Variants in PLEKHG4B observed in about 807,000 individuals in gnomAD.
PLEKHG4B encodes the protein pleckstrin homology and RhoGEF domain containing G4B.
In PLEKHG4B, 111 loss-of-function variants were observed where a neutral mutation model predicts 121.3. The observed-to-expected ratio is 0.92, with a 90% CI of 0.78 to 1.07. The LOEUF is 1.07. PLEKHG4B is among the 50% of genes least tolerant of loss of function. The pLI, the probability that PLEKHG4B is intolerant of heterozygous loss-of-function variation, is 0.00. For synonymous variants in PLEKHG4B, 738 were observed against 725.0 expected (o/e 1.02, Z -0.29); for missense variants, 1,831 against 1,757.8 (o/e 1.04, Z -0.74).
intron 2 of PLEKHG4B, among the ~76,000 whole-genome samples, chr5:133,335 A>G (rs1180410779): frequency 6.6e-6 from 1 of 152,204 alleles, no homozygotes; most frequent in Non-Finnish European, 1.5e-5. Flanking sequence ...ATCATCAACC[A>G]AAAACGACAG....
At chr5:161,256 G>A (rs1735990829) in intron 11 of PLEKHG4B, among the ~76,000 whole-genome samples, 1 of 152,264 alleles carries the variant, frequency 6.6e-6, no homozygotes, top group Non-Finnish European at 1.5e-5. Context: ...GCAGCCTCAA[G>A]GGGCCAAGCA....
rs548998961 is a variant in PLEKHG4B, at chr5:95,140, C to T, written c.45+2864C>T. On this transcript the variant is annotated intron_variant, in intron 1 of 19. Transcript: ENST00000637938. ...ATTGATCTTACAAAATTTCCCCTGA[C>T]AGAAAATCACATTGTGCAAAAGAGA... 5.9e-5 allele frequency among the ~76,000 whole-genome samples: 9 copies of T among 152,322 alleles called. 1 individual carries two copies. In the South Asian group the frequency reaches 1.7e-3, roughly 28 times the overall value.
At position 157,034 on chromosome 5, in the gene PLEKHG4B, A is replaced by G; in HGVS notation, c.2487+123A>G. ...TGATCTGATTTCCATTTGGAATGAAATTATGTCAGGATAGGGCATGCCTTG... is the reference window on the plus strand; with the variant it reads ...TGATCTGATTTCCATTTGGAATGAAGTTATGTCAGGATAGGGCATGCCTTG... On this transcript the variant is annotated intron_variant, in intron 11 of 19. Transcript: ENST00000637938. The surrounding 1 kb of genome is among the most constrained non-coding windows in gnomAD (Gnocchi z 4.6). The G allele has an allele frequency of 7.4e-7, 1 of 1,349,448 alleles. No individual in the cohort carries two copies. 83.6% of individuals were successfully genotyped at this position (1,349,448 alleles called of 1,614,324 possible).
chr5:144,948 G>A (rs757742642), intron 6 of PLEKHG4B, 28 bp downstream of exon 6: 8 of 1,598,882 alleles, frequency 5.0e-6, no homozygotes, highest in East Asian at 2.2e-5. Flanking sequence ...TATCCCTTGG[G>A]TGTGCAGAGC....
chr5:103,156 G>C (rs1273145726), intron 1 of PLEKHG4B, among the ~76,000 whole-genome samples: 2 of 152,114 alleles, frequency 1.3e-5, no homozygotes, highest in Admixed American at 1.3e-4. Context: ...GCATGGGGTG[G>C]GGACAGACAA....
chr5:133,894 G>A lies in PLEKHG4B; in HGVS notation c.244-5589G>A, dbSNP rs182652755. ...AACCCAGCTCAAATGCCCACCAATC[G>A]AGTGGATAAAGAAAATGTGACACAC... On this transcript the variant is annotated intron_variant, in intron 2 of 19. Coordinates refer to ENST00000637938, the MANE Select transcript of PLEKHG4B (RefSeq NM_052909.5). Among the ~76,000 whole-genome samples the A allele has an allele frequency of 2.1e-3, 294 of 142,648 alleles. 1 individual carries two copies. The highest frequency in any genetic ancestry group is 7.9e-3 in the African/African-American group (279 of 35,430). 93.6% of individuals were successfully genotyped at this position (142,648 alleles called of 152,430 possible). A position where few individuals can be genotyped will look rare whatever the true frequency, so the allele number is the denominator to read the frequency against.
At position 139,907 on chromosome 5, in the gene PLEKHG4B, G is replaced by A. The variant is rs1487067563; in HGVS notation, c.668G>A (p.Ser223Asn). The change falls in exon 3 of 20, where the codon AGC becomes AAC. Residue 223 changes from serine (S) to asparagine (N), a missense_variant. Coordinates refer to ENST00000637938, the MANE Select transcript of PLEKHG4B (RefSeq NM_052909.5). This position sits in a 1 kb window ranked among gnomAD's most constrained non-coding sequence, Gnocchi z 5.0. The part of the protein sequence containing the change: ...SCTGPERLPS[S>N]PSEAPVPTQA... ...ACAGGTCCTGAGCGGCTGCCCAGCA[G>A]CCCCTCAGAGGCCCCAGTCCCCACC... 3 of 403,368 alleles carry A rather than the reference G, an allele frequency of 7.4e-6. No homozygotes were observed. Among genetic ancestry groups the A allele is most frequent in the African/African-American group, 2.1e-5 (1 of 48,572 alleles). 25.0% of individuals were successfully genotyped at this position (403,368 alleles called of 1,614,324 possible). A position where few individuals can be genotyped will look rare whatever the true frequency, so the allele number is the denominator to read the frequency against.
chr5:125,760 G>A (rs756933686), intron 2 of PLEKHG4B, among the ~76,000 whole-genome samples: 40 of 152,184 alleles, frequency 2.6e-4, no homozygotes, highest in Non-Finnish European at 5.4e-4. Flanking sequence ...TCACCTTGCT[G>A]GACTCCGTTG....
rs1736547200 is a variant in PLEKHG4B, at chr5:171,374, A to T, written c.3980A>T (p.Glu1327Val). Residue 1327 changes from glutamate (E) to valine (V), a missense_variant, in exon 16 of 20, where the codon GAG becomes GTG. Glu to Val is a moderately radical substitution (Grantham distance 121). Coordinates refer to ENST00000637938, the MANE Select transcript of PLEKHG4B (RefSeq NM_052909.5). The part of the protein sequence containing the change: ...GQELGELRAA[E>V]VVVCFQLRHG... ...GAGCTGGGCGAGCTCCGAGCCGCCG[A>T]GGTCGTGGTCTGCTTCCAGCTGCGT... The T allele has an allele frequency of 8.1e-6, 13 of 1,611,298 alleles. No homozygotes were observed. In the East Asian group the frequency reaches 2.9e-4, roughly 36 times the overall value.
intron 3 of PLEKHG4B, among the ~76,000 whole-genome samples, chr5:142,509 G>A (rs572230514): frequency 5.4e-5 from 8 of 149,448 alleles, no homozygotes; most frequent in Non-Finnish European, 1.0e-4. Flanking sequence ...CACACCACAC[G>A]CAGACACATG....
rs978270388 is a variant in PLEKHG4B at position 188,445 on chromosome 5, C to T, written c.*6122C>T. ...GGGGGATTAGCACCTTGGCTGAGCC[C>T]GAACTGACCACCTGGGGCGTAGGTC... is the stretch of plus-strand genomic sequence containing the variant. On this transcript the variant is annotated 3_prime_UTR_variant, in exon 20 of 20. Transcript: ENST00000637938. The T allele has an allele frequency of 6.6e-6, 1 of 152,220 alleles. No homozygotes were observed. Among genetic ancestry groups the T allele is most frequent in the African/African-American group, 2.4e-5 (1 of 41,432 alleles). 9.4% of individuals were successfully genotyped at this position (152,220 alleles called of 1,614,324 possible).
At chr5:147,954 T>A (rs2126413115) in intron 6 of PLEKHG4B, among the ~76,000 whole-genome samples, 1 of 152,056 alleles carries the variant, frequency 6.6e-6, no homozygotes, top group African/African-American at 2.4e-5. Context: ...CTGATCAGTG[T>A]AAACAGAATG....
In PLEKHG4B at chr5:182,183, C is replaced by G. The variant is rs1733428347; in HGVS notation, c.4744C>G (p.Pro1582Ala). The part of the protein sequence containing the change: ...SSPAHPGLWS[P>A]AHSPWSSDIR... ...CCCAGCCCACCCGGGCCTATGGAGC[C>G]CTGCCCACAGCCCCTGGTCATCTGA... The change falls in exon 20 of 20, where the codon CCT becomes GCT. Residue 1582 changes from proline to alanine, a missense_variant. Physicochemically the swap from Pro to Ala is conservative, Grantham distance 27. Coordinates refer to ENST00000637938, the MANE Select transcript of PLEKHG4B (RefSeq NM_052909.5). 6.2e-7 allele frequency: 1 copy of G among 1,613,844 alleles called. No individual in the cohort carries two copies. The highest frequency in any genetic ancestry group is 1.3e-5 in the African/African-American group (1 of 74,942).
chr5:164,810 A>G (rs1304544452), intron 13 of PLEKHG4B, among the ~76,000 whole-genome samples: 3 of 118,718 alleles, frequency 2.5e-5, no homozygotes, highest in African/African-American at 9.8e-5. Flanking sequence ...GAGCTCACAC[A>G]CTAATGCTGT....
chr5:163,980 C>A lies in PLEKHG4B; in HGVS notation c.3476+432C>A, dbSNP rs148042747. ...TTGCCCCACTGAAGAGGCCCCTTCT[C>A]ACTTGTCGAGCCTGCAAAGGACGCG... On this transcript the variant is annotated intron_variant, in intron 13 of 19. Transcript: ENST00000637938. Among the ~76,000 whole-genome samples, 397 of 152,382 alleles carry A rather than the reference C, an allele frequency of 2.6e-3. 4 individuals carry two copies. Among genetic ancestry groups the A allele is most frequent in the African/African-American group, 9.2e-3 (381 of 41,590 alleles).
At position 159,703 on chromosome 5, in the gene PLEKHG4B, C is replaced by T. The variant is rs972591014; in HGVS notation, c.2488-2080C>T. Among the ~76,000 whole-genome samples the T allele has an allele frequency of 1.2e-4, 19 of 152,170 alleles. No individual in the cohort carries two copies. Among genetic ancestry groups the T allele is most frequent in the Admixed American group, 9.2e-4 (14 of 15,284 alleles). ...GCCCACGCATCTTTAGCATTTTCTC[C>T]CTGGCGGTCTGATTCTTTTCCTCTA... is the stretch of plus-strand genomic sequence containing the variant. On this transcript the variant is annotated intron_variant, in intron 11 of 19. Coordinates refer to ENST00000637938, the MANE Select transcript of PLEKHG4B (RefSeq NM_052909.5). This position sits in a 1 kb window ranked among gnomAD's most constrained non-coding sequence, Gnocchi z 5.5.
In PLEKHG4B at chr5:161,920, C is replaced by T. The variant is rs977568385; in HGVS notation, c.2625C>T (p.Thr875=). 1 of 1,612,568 alleles carries T rather than the reference C, an allele frequency of 6.2e-7. No homozygotes were observed. Among genetic ancestry groups the T allele is most frequent in the African/African-American group, 1.3e-5 (1 of 75,050 alleles). ...GGGAGGGAGAGCTGGCCAGGTGGAC[C>T]CGCTCGTCCGAGTTGTGCGAGACGG... ...ECREGELARW[T]RSSELCETVS... Residue 875 remains threonine (T), a synonymous_variant, in exon 12 of 20, where the codon ACC becomes ACT. Coordinates refer to ENST00000637938, the MANE Select transcript of PLEKHG4B (RefSeq NM_052909.5).
intron 3 of PLEKHG4B, among the ~76,000 whole-genome samples, chr5:141,714 T>TTTTTG (rs1185982288): frequency 4.1e-5 from 6 of 146,356 alleles, no homozygotes; most frequent in African/African-American, 1.6e-4. Flanking sequence ...ATATTTCATT[T>TTTTTG]TTTTTTTTTT....
At position 172,944 on chromosome 5, in the gene PLEKHG4B, C is replaced by T. The variant is rs367924370; in HGVS notation, c.4098C>T (p.Ile1366=). 6 of 1,614,166 alleles carry T rather than the reference C, an allele frequency of 3.7e-6. No individual in the cohort carries two copies. Among genetic ancestry groups the T allele is most frequent in the South Asian group, 3.3e-5 (3 of 91,076 alleles). The change falls in exon 17 of 20, where the codon ATC becomes ATT. Residue 1366 remains isoleucine, a synonymous_variant. Transcript: ENST00000637938. ...QGQLRCRDEF[I]VCCGRKKYLR... is the part of the protein sequence containing the mutation. ...AGCTGAGATGCCGGGATGAGTTTATCGTTTGCTGCGGGAGGAAGAAGTATC... is the reference window on the plus strand; with the variant it reads ...AGCTGAGATGCCGGGATGAGTTTATTGTTTGCTGCGGGAGGAAGAAGTATC...
Sources: gnomAD v4.1 joint callset for allele counts (sites outside exome capture counted in the v4.1 genomes callset) on GRCh38, gnomAD v4.1.1 for gene constraint, Gnocchi (gnomAD v3.1) non-coding constraint, MANE v1.5 for transcripts, NCBI Gene and HGNC (gene_info 2026-07-23, HGNC 2026-07-21) for gene names.